Variants in FAT3 observed in about 807,000 individuals in gnomAD.
FAT3 encodes protocadherin Fat 3.
A neutral mutation model predicts 310.2 loss-of-function variants in FAT3; 95 were observed. That is an observed-to-expected ratio of 0.31 (90% CI 0.26 to 0.36). The LOEUF is 0.36. Among genes scored for constraint, FAT3 ranks in the 10% least tolerant of loss-of-function variants. FAT3 has a pLI of 1.00. For synonymous variants in FAT3, 2,314 were observed against 2,192.9 expected, an observed-to-expected ratio of 1.06 and a Z score of -1.54; for missense variants, 5,408 against 5,715.6, an observed-to-expected ratio of 0.95 and a Z score of 1.74.
In FAT3 at chr11:92,889,438, A is replaced by T. The variant is rs1004580274; in HGVS notation, c.13111+190A>T. Among the ~76,000 whole-genome samples, 9 of 152,172 alleles carry T rather than the reference A, an allele frequency of 5.9e-5. No individual in the cohort carries two copies. The South Asian group carries it at 6.2e-4, about 11-fold the overall frequency. On this transcript the variant is annotated intron_variant, in intron 26 of 27. Coordinates refer to ENST00000525166, the MANE Select transcript of FAT3 (RefSeq NM_001367949.2). ...AAACCCAGTTCATAATTTGTAAAAA[A>T]TATATAAGGTACCCTCTTTATAAAA...
intron 2 of FAT3, chr11:92,499,073 T>G (rs1326140416): frequency 2.0e-5 from 3 of 152,102 alleles, no homozygotes; most frequent in Admixed American, 2.0e-4. Context: ...GTATCATTCA[T>G]TTAGCAAGCA....
rs772042866 is a variant in FAT3, at chr11:92,834,962, A to G, written c.9964A>G (p.Ser3322Gly). The change falls in exon 15 of 28, where the codon AGC becomes GGC. Residue 3322 changes from serine to glycine, a missense_variant. Ser to Gly is a moderately conservative substitution (Grantham distance 56, BLOSUM62 0). Around this residue, in one of 5 missense-constraint regions of FAT3, gnomAD observed 4,588 missense variants for 4,809.8 expected, o/e 0.95. Transcript: ENST00000525166. ...EAKDGGTPAL[S>G]AVATVNINLT... ...CAAAGATGGGGGCACCCCAGCTCTC[A>G]GCGCTGTGGCCACTGTCAACATCAA... is the stretch of plus-strand genomic sequence containing the variant. 1.2e-6 allele frequency: 2 copies of G among 1,613,386 alleles called. No homozygotes were observed. Among genetic ancestry groups the G allele is most frequent in the Non-Finnish European group, 1.7e-6 (2 of 1,179,666 alleles).
At chr11:92,781,232 G>T (rs1946744850) in intron 7 of FAT3, among the ~76,000 whole-genome samples, 1 of 151,574 alleles carries the variant, frequency 6.6e-6, no homozygotes, top group South Asian at 2.1e-4. Flanking sequence ...ACAGGTGCAT[G>T]CCACCACGCC....
At chr11:92,667,134 G>A (rs1462876234) in intron 3 of FAT3, among the ~76,000 whole-genome samples, 1 of 152,134 alleles carries the variant, frequency 6.6e-6, no homozygotes, top group South Asian at 2.1e-4. Context: ...TGATGCCTAA[G>A]GTTCTACTTG....
intron 1 of FAT3, among the ~76,000 whole-genome samples, chr11:92,302,876 T>C (rs569393542): frequency 2.0e-5 from 3 of 152,286 alleles, no homozygotes; most frequent in South Asian, 4.1e-4. Context: ...TGGTATTTAC[T>C]TAATAACAAC....
chr11:92,852,101 A>T (rs4753421), intron 19 of FAT3, among the ~76,000 whole-genome samples: 58,783 of 151,974 alleles, frequency 0.39, 11,550 homozygotes, highest in East Asian at 0.46. Context: ...TGTTTCCTGG[A>T]CCCAGACATG....
At chr11:92,555,235 G>A (rs1311885341) in intron 3 of FAT3, among the ~76,000 whole-genome samples, 1 of 152,178 alleles carries the variant, frequency 6.6e-6, no homozygotes, top group African/African-American at 2.4e-5. Context: ...TTCTGTGATT[G>A]TCACTACAAT....
intron 1 of FAT3, among the ~76,000 whole-genome samples, chr11:92,265,297 C>T (rs1313006174): frequency 6.6e-6 from 1 of 151,726 alleles, no homozygotes; most frequent in African/African-American, 2.4e-5. Context: ...TTTTATATAT[C>T]CTCTCCTTCT....
At chr11:92,591,444 A>G (rs1343282949) in intron 3 of FAT3, among the ~76,000 whole-genome samples, 1 of 152,178 alleles carries the variant, frequency 6.6e-6, no homozygotes, top group African/African-American at 2.4e-5. Flanking sequence ...TGTGGGATGT[A>G]TTTATATATT....
At chr11:92,867,769 T>C (rs1446122958) in intron 22 of FAT3, among the ~76,000 whole-genome samples, 1 of 152,192 alleles carries the variant, frequency 6.6e-6, no homozygotes, top group Non-Finnish European at 1.5e-5. Flanking sequence ...TAGTTACAGC[T>C]TTACAAAGGA....
At chr11:92,365,797 C>A (rs1214269343) in intron 2 of FAT3, among the ~76,000 whole-genome samples, 1 of 152,184 alleles carries the variant, frequency 6.6e-6, no homozygotes, top group Non-Finnish European at 1.5e-5. Flanking sequence ...CACTCCTACC[C>A]CTCATAGGTC....
At chr11:92,863,678 C>T (rs1410440528) in intron 21 of FAT3, among the ~76,000 whole-genome samples, 1 of 152,180 alleles carries the variant, frequency 6.6e-6, no homozygotes, top group African/African-American at 2.4e-5. Context: ...ATAGCTTCTC[C>T]TCTGATTTGA....
Position 92,697,415 on chromosome 11 carries a change from T to A in FAT3, c.3639T>A (p.Asp1213Glu), listed in dbSNP as rs2135907002. The A allele has an allele frequency of 6.2e-7, 1 of 1,613,884 alleles. No homozygotes were observed. Reference sequence around the variant, plus strand: ...TTACAACAACTTCAAGGAAATTGGATCGAGAACAGCAGGCAGAACATTTTC... The same window carrying A: ...TTACAACAACTTCAAGGAAATTGGAACGAGAACAGCAGGCAGAACATTTTC... ...GLITTTSRKL[D>E]REQQAEHFLE... Residue 1213 changes from aspartate (D) to glutamate (E), a missense_variant, in exon 4 of 28, where the codon GAT (aspartate) becomes GAA (glutamate). By Grantham distance (45) the Asp-to-Glu change is conservative (BLOSUM62 2). Coordinates refer to ENST00000525166, the MANE Select transcript of FAT3 (RefSeq NM_001367949.2).
At chr11:92,228,201 G>C (rs990607291) in intron 1 of FAT3, among the ~76,000 whole-genome samples, 1 of 152,188 alleles carries the variant, frequency 6.6e-6, no homozygotes, top group African/African-American at 2.4e-5. Context: ...TCCATCTCTT[G>C]TGGCTGCAGG....
At chr11:92,327,016 G>A in intron 1 of FAT3, among the ~76,000 whole-genome samples, 1 of 152,098 alleles carries the variant, frequency 6.6e-6, no homozygotes, top group East Asian at 1.9e-4. Flanking sequence ...CACTTTTCAA[G>A]GGGAAATAGG....
Position 92,857,096 on chromosome 11 carries a change from C to G in FAT3, c.11366-118C>G. 2.1e-6 allele frequency: 3 copies of G among 1,445,568 alleles called. No individual in the cohort carries two copies. In the Admixed American group the frequency reaches 5.3e-5, roughly 26 times the overall value. 89.5% of individuals were successfully genotyped at this position (1,445,568 alleles called of 1,614,324 possible). A position where few individuals can be genotyped will look rare whatever the true frequency, so the allele number is the denominator to read the frequency against. On this transcript the variant is annotated intron_variant, in intron 19 of 27. Coordinates refer to ENST00000525166, the MANE Select transcript of FAT3 (RefSeq NM_001367949.2). ...GGCATCTTTGTGACTCAGCTCAGAGCCCACATATCCCAGCTCTTGAGCCAT... is the reference window on the plus strand; with the variant it reads ...GGCATCTTTGTGACTCAGCTCAGAGGCCACATATCCCAGCTCTTGAGCCAT...
In FAT3 at chr11:92,630,984, G is replaced by A. The variant is rs567114488; in HGVS notation, c.3608-66400G>A. 6.6e-5 allele frequency among the ~76,000 whole-genome samples: 10 copies of A among 152,312 alleles called. No individual in the cohort carries two copies. In the South Asian group the frequency reaches 1.7e-3, roughly 25 times the overall value. On this transcript the variant is annotated intron_variant, in intron 3 of 27. Coordinates refer to ENST00000525166, the MANE Select transcript of FAT3 (RefSeq NM_001367949.2). ...TTACAAATACAACATATAAAGCAGT[G>A]AGCTTAAGGGCTAACATGTTTAAAA... is the stretch of plus-strand genomic sequence containing the variant.
At chr11:92,485,498 T>C (rs1297223938) in intron 2 of FAT3, among the ~76,000 whole-genome samples, 5 of 142,778 alleles carry the variant, frequency 3.5e-5, no homozygotes, top group Non-Finnish European at 7.5e-5. Flanking sequence ...TGCATATTGA[T>C]AGAATGGCTT....
chr11:92,841,574 A>C (rs183615109), intron 18 of FAT3, among the ~76,000 whole-genome samples: 8 of 152,340 alleles, frequency 5.3e-5, no homozygotes, highest in African/African-American at 1.9e-4. Context: ...TTCAATTGCC[A>C]TCTGCTCCTC....
Sources: gnomAD v4.1 joint callset for allele counts (sites outside exome capture counted in the v4.1 genomes callset) on GRCh38, gnomAD v4.1.1 for gene constraint, gnomAD v4.1.1 regional missense constraint, MANE v1.5 for transcripts, NCBI Gene and HGNC (gene_info 2026-07-23, HGNC 2026-07-21) for gene names.